DPY19L3: variants seen among roughly 807,000 people sequenced by gnomAD.
DPY19L3 encodes dpy-19 like C-mannosyltransferase 3, also known as protein C-mannosyl-transferase DPY19L3.
Under a neutral mutation model 92.3 loss-of-function variants are expected in DPY19L3, and 51 were observed. The observed-to-expected ratio is 0.55, with a 90% CI of 0.44 to 0.70. DPY19L3 has a LOEUF of 0.70. DPY19L3 is among the 30% of genes least tolerant of loss of function. The pLI is 0.00. For synonymous variants in DPY19L3, 309 were observed against 315.2 expected (o/e 0.98, Z 0.21); for missense variants, 706 against 855.9 (o/e 0.82, Z 2.18).
intron 16 of DPY19L3, among the ~76,000 whole-genome samples, chr19:32,469,577 G>A (rs1309610334): frequency 6.6e-6 from 1 of 151,958 alleles, no homozygotes; most frequent in African/African-American, 2.4e-5. Flanking sequence ...GTTAAGTAGA[G>A]GCTCATGACA....
chr19:32,460,905 G>A (rs1970020676), intron 12 of DPY19L3, among the ~76,000 whole-genome samples: 2 of 138,320 alleles, frequency 1.4e-5, no homozygotes, highest in South Asian at 5.0e-4. Context: ...TCTCGCTCTT[G>A]CCTGGGCTGG....
chr19:32,480,759 G>A (rs553679868), intron 18 of DPY19L3: 2 of 686,914 alleles, frequency 2.9e-6, no homozygotes, highest in Non-Finnish European at 4.7e-6. Context: ...AGGGAGAGGT[G>A]AGAGGGGAGC....
At chr19:32,406,755 G>T (rs1419853507) in intron 1 of DPY19L3, among the ~76,000 whole-genome samples, 1 of 152,114 alleles carries the variant, frequency 6.6e-6, no homozygotes, top group Non-Finnish European at 1.5e-5. Context: ...TAGTTCATGG[G>T]ACTGTTGCAG....
chr19:32,422,648 A>ACACT (rs1330347789), intron 3 of DPY19L3, among the ~76,000 whole-genome samples: 1 of 151,870 alleles, frequency 6.6e-6, no homozygotes, highest in Non-Finnish European at 1.5e-5. Flanking sequence ...ACACACACAC[A>ACACT]CACACACACA....
chr19:32,440,447 G>A (rs536569717), intron 8 of DPY19L3, among the ~76,000 whole-genome samples: 14 of 152,208 alleles, frequency 9.2e-5, no homozygotes, highest in African/African-American at 2.2e-4. Flanking sequence ...TATGTATTGC[G>A]TACAGTTTTA....
Position 32,437,049 on chromosome 19 carries a change from C to G in DPY19L3, c.451-145C>G, listed in dbSNP as rs1969165418. 3.3e-6 allele frequency: 3 copies of G among 922,920 alleles called. No homozygotes were observed. In the East Asian group the frequency reaches 7.8e-5, roughly 24 times the overall value. The allele number at this position is 922,920 out of a possible 1,614,324, so 57.2% of individuals were successfully genotyped here. Reference sequence around the variant, plus strand: ...GGGAAGAAAGGCTACCCGAACGCTTCTCTAATAGATGAAAGGGGTGTGGGC... The same window carrying G: ...GGGAAGAAAGGCTACCCGAACGCTTGTCTAATAGATGAAAGGGGTGTGGGC... On this transcript the variant is annotated intron_variant, in intron 5 of 18. Coordinates refer to ENST00000392250, the MANE Select transcript of DPY19L3 (RefSeq NM_001172774.2).
chr19:32,469,829 C>G (rs1970304486), intron 16 of DPY19L3, among the ~76,000 whole-genome samples: 1 of 152,194 alleles, frequency 6.6e-6, no homozygotes, highest in African/African-American at 2.4e-5. Context: ...ACTTTTCTAC[C>G]CAGAGCACCA....
chr19:32,439,690 G>GAT, intron 7 of DPY19L3, 86 bp from the exon 8 acceptor site: 1 of 1,391,272 alleles, frequency 7.2e-7, no homozygotes, highest in Non-Finnish European at 9.9e-7. Context: ...GGTTTATAGA[G>GAT]ATACTGGCTG....
chr19:32,411,519 G>A (rs1212777416), intron 3 of DPY19L3, 147 bp downstream of exon 3: 2 of 619,126 alleles, frequency 3.2e-6, no homozygotes, highest in Non-Finnish European at 5.2e-6. Context: ...TAACTTTTGT[G>A]TTTATTATTT....
intron 15 of DPY19L3, among the ~76,000 whole-genome samples, chr19:32,466,792 A>G (rs753835301): frequency 1.3e-5 from 2 of 152,240 alleles, no homozygotes; most frequent in Non-Finnish European, 2.9e-5. Flanking sequence ...TAATGCATTC[A>G]GCTTTCACTG....
chr19:32,452,147 C>T (rs972235349), intron 8 of DPY19L3, among the ~76,000 whole-genome samples: 1 of 152,200 alleles, frequency 6.6e-6, no homozygotes, highest in African/African-American at 2.4e-5. Flanking sequence ...TCATCCATTA[C>T]CATGTCTGGT....
intron 15 of DPY19L3, chr19:32,467,400 A>G: frequency 3.1e-6 from 3 of 980,280 alleles, no homozygotes; most frequent in Non-Finnish European, 3.6e-6. Context: ...ATTAGTAAGG[A>G]AACATAGATC....
chr19:32,472,264 G>A (rs1214782558), intron 16 of DPY19L3, among the ~76,000 whole-genome samples: 1 of 152,168 alleles, frequency 6.6e-6, no homozygotes, highest in African/African-American at 2.4e-5. Flanking sequence ...TAGGGATTAA[G>A]TTGCTCTTTT....
chr19:32,475,203 T>A (rs1020119149), intron 16 of DPY19L3, among the ~76,000 whole-genome samples: 2 of 152,222 alleles, frequency 1.3e-5, no homozygotes. Context: ...ATTCCTATTA[T>A]ACATTCAAAA....
rs78699733 is a variant in DPY19L3 at position 32,435,002 on chromosome 19, C to T, written c.329-1444C>T. 1.7e-3 allele frequency among the ~76,000 whole-genome samples: 265 copies of T among 152,268 alleles called. 4 individuals are homozygous for T. In the East Asian group the frequency reaches 0.048, roughly 28 times the overall value. On this transcript the variant is annotated intron_variant, in intron 4 of 18. Coordinates refer to ENST00000392250, the MANE Select transcript of DPY19L3 (RefSeq NM_001172774.2). ...TGCCATAATGTAATACCACAGACTG[C>T]GTGGCTTAAACAACAGAGATTTTTC...
At chr19:32,426,280 T>C (rs1231550397) in intron 3 of DPY19L3, among the ~76,000 whole-genome samples, 1 of 152,222 alleles carries the variant, frequency 6.6e-6, no homozygotes, top group East Asian at 1.9e-4. Flanking sequence ...ATGTTTTAGA[T>C]GATTTGATTT....
chr19:32,407,450 G>A (rs1568318836), intron 1 of DPY19L3, among the ~76,000 whole-genome samples: 1 of 152,210 alleles, frequency 6.6e-6, no homozygotes, highest in Non-Finnish European at 1.5e-5. Flanking sequence ...AAATCCGGTT[G>A]TCAACACATT....
chr19:32,406,582 T>C (rs1967959615), intron 1 of DPY19L3, among the ~76,000 whole-genome samples: 1 of 151,982 alleles, frequency 6.6e-6, no homozygotes, highest in African/African-American at 2.4e-5. Flanking sequence ...AAACTCATGG[T>C]CTGAAGTCAT....
intron 4 of DPY19L3, among the ~76,000 whole-genome samples, chr19:32,434,553 G>A (rs559190869): frequency 9.8e-5 from 15 of 152,288 alleles, no homozygotes; most frequent in Middle Eastern, 3.4e-3. Flanking sequence ...CAGCTACTCC[G>A]GAGGCTGAGG....
Sources: gnomAD v4.1 joint callset for allele counts (sites outside exome capture counted in the v4.1 genomes callset) on GRCh38, gnomAD v4.1.1 for gene constraint, MANE v1.5 for transcripts, NCBI Gene and HGNC (gene_info 2026-07-23, HGNC 2026-07-21) for gene names.